CDH13: variants seen among roughly 807,000 people sequenced by gnomAD.
CDH13 encodes cadherin 13.
A neutral mutation model predicts 63.8 loss-of-function variants in CDH13; 24 were observed. The ratio of observed to expected loss-of-function variants is 0.38; its 90% CI spans 0.27 to 0.53. The LOEUF (loss-of-function observed/expected upper bound fraction) is 0.53, where lower values mean the gene tolerates loss of function less well. CDH13 is among the 20% of genes least tolerant of loss of function. The pLI is 0.85. For missense variants in CDH13, 1,049 were observed against 903.1 expected (o/e 1.16, Z -2.07); for synonymous variants, 503 against 355.3 (o/e 1.42, Z -4.67).
At position 83,033,138 on chromosome 16, in the gene CDH13, A is replaced by G. The variant is rs79887136; in HGVS notation, c.366+920A>G. Among the ~76,000 whole-genome samples the G allele has an allele frequency of 2.7e-3, 415 of 152,324 alleles. 1 individual carries two copies. The highest frequency in any genetic ancestry group is 3.6e-3 in the Non-Finnish European group (246 of 68,016). On this transcript the variant is annotated intron_variant, in intron 3 of 13. Coordinates refer to ENST00000567109, the MANE Select transcript of CDH13 (RefSeq NM_001257.5). Reference sequence around the variant, plus strand: ...GTATATGTGCATGTAATGTATACACATATGTATACATCCACATTTAATATA... The same window carrying G: ...GTATATGTGCATGTAATGTATACACGTATGTATACATCCACATTTAATATA...
intron 6 of CDH13, among the ~76,000 whole-genome samples, chr16:83,474,459 T>G (rs116124359): frequency 2.5e-4 from 37 of 150,748 alleles, no homozygotes; most frequent in African/African-American, 8.5e-4. Context: ...TGGGGGAGAG[T>G]CTCAGACATC....
Position 82,627,066 on chromosome 16 carries a change from G to A in CDH13, c.-27G>A, listed in dbSNP as rs1365991844. On this transcript the variant is annotated 5_prime_UTR_variant, in exon 1 of 14. Transcript: ENST00000567109. The stretch of plus-strand genomic sequence containing the variant: ...TGCAGCCGCGTGCATGAATGAAAAC[G>A]CCGCCGGGCGCTTCTAGTCGGACAA... 1 of 1,584,244 alleles carries A rather than the reference G, an allele frequency of 6.3e-7. No homozygotes were observed. The highest frequency in any genetic ancestry group is 1.2e-5 in the South Asian group (1 of 86,480).
chr16:83,017,170 G>C (rs537318690), intron 2 of CDH13, among the ~76,000 whole-genome samples: 1 of 152,124 alleles, frequency 6.6e-6, no homozygotes, highest in Non-Finnish European at 1.5e-5. Context: ...ATAAGGATTT[G>C]CCTGGGCCCC....
intron 1 of CDH13, among the ~76,000 whole-genome samples, chr16:82,746,740 A>C (rs2034194283): frequency 6.6e-6 from 1 of 152,162 alleles, no homozygotes; most frequent in Non-Finnish European, 1.5e-5. Flanking sequence ...GATTTCTTAA[A>C]ATTTTTACTT....
intron 5 of CDH13, among the ~76,000 whole-genome samples, chr16:83,267,114 G>C (rs1907716274): frequency 6.6e-6 from 1 of 152,168 alleles, no homozygotes; most frequent in Non-Finnish European, 1.5e-5. Flanking sequence ...GTGCAGCAGA[G>C]ACATGCATGC....
chr16:83,665,139 G>T (rs1017653592), intron 8 of CDH13, among the ~76,000 whole-genome samples: 1 of 151,762 alleles, frequency 6.6e-6, no homozygotes, highest in Non-Finnish European at 1.5e-5. Flanking sequence ...TAACAAGAAT[G>T]AGCAAGTGTG....
chr16:83,486,489 T>G lies in CDH13; in HGVS notation c.794T>G (p.Met265Arg). ...MEGSPTGTTV[M>R]RMTAFDADDP... Reference sequence around the variant, plus strand: ...CTTGCCCCGGTAGGCACCACAGTGATGCGGATGACAGCCTTTGATGCAGAT... The same window carrying G: ...CTTGCCCCGGTAGGCACCACAGTGAGGCGGATGACAGCCTTTGATGCAGAT... Residue 265 changes from methionine to arginine, a missense_variant, in exon 7 of 14, where the codon ATG becomes AGG. Transcript: ENST00000567109. 1 of 1,613,350 alleles carries G rather than the reference T, an allele frequency of 6.2e-7. No individual in the cohort carries two copies. Among genetic ancestry groups the G allele is most frequent in the Non-Finnish European group, 8.5e-7 (1 of 1,179,482 alleles).
At chr16:83,356,068 G>A (rs1304236849) in intron 6 of CDH13, among the ~76,000 whole-genome samples, 1 of 152,112 alleles carries the variant, frequency 6.6e-6, no homozygotes, top group Non-Finnish European at 1.5e-5. Flanking sequence ...TCTAATTCTT[G>A]TGCTTTTTCA....
At position 83,265,388 on chromosome 16, in the gene CDH13, A is replaced by G. The variant is rs142348438; in HGVS notation, c.636+47891A>G. Among the ~76,000 whole-genome samples the G allele has an allele frequency of 4.0e-3, 605 of 152,222 alleles. 6 individuals carry two copies. The highest frequency in any genetic ancestry group is 0.013 in the African/African-American group (554 of 41,520). On this transcript the variant is annotated intron_variant, in intron 5 of 13. Transcript: ENST00000567109. ...CTTTTAGACTTGCAAATTTGGCTGG[A>G]TATAGAACTCTAAGTTGAATATATT...
intron 1 of CDH13, among the ~76,000 whole-genome samples, chr16:82,645,674 A>G (rs1910005447): frequency 6.6e-6 from 1 of 152,142 alleles, no homozygotes; most frequent in Non-Finnish European, 1.5e-5. Flanking sequence ...TCCTTATCTT[A>G]TCCTGTTATT....
At position 82,812,316 on chromosome 16, in the gene CDH13, A is replaced by C. The variant is rs186174026; in HGVS notation, c.46-46046A>C. Reference sequence around the variant, plus strand: ...ACTAGGAAGTCATTAGGATATTTGCAATAATTGAAGCTTGCATCCTATTTG... The same window carrying C: ...ACTAGGAAGTCATTAGGATATTTGCCATAATTGAAGCTTGCATCCTATTTG... On this transcript the variant is annotated intron_variant, in intron 1 of 13. Transcript: ENST00000567109. Among the ~76,000 whole-genome samples the C allele has an allele frequency of 1.2e-4, 18 of 152,274 alleles. No individual in the cohort carries two copies. In the East Asian group the frequency reaches 3.3e-3, roughly 28 times the overall value.
At chr16:82,791,256 A>T (rs2036288050) in intron 1 of CDH13, among the ~76,000 whole-genome samples, 1 of 151,954 alleles carries the variant, frequency 6.6e-6, no homozygotes, top group Non-Finnish European at 1.5e-5. Context: ...AAAAAAAAAA[A>T]AAATTCCTAA....
At chr16:82,634,545 C>T (rs991166085) in intron 1 of CDH13, among the ~76,000 whole-genome samples, 1 of 152,208 alleles carries the variant, frequency 6.6e-6, no homozygotes, top group East Asian at 1.9e-4. Flanking sequence ...GAGCCAATTT[C>T]TCCCTGCAGT....
chr16:82,970,493 G>A (rs533020817), intron 2 of CDH13, among the ~76,000 whole-genome samples: 7 of 118,712 alleles, frequency 5.9e-5, no homozygotes, highest in African/African-American at 1.4e-4. Context: ...TCCACTTCCC[G>A]GGTTCACGCC....
At chr16:82,748,358 A>T (rs1295850558) in intron 1 of CDH13, among the ~76,000 whole-genome samples, 2 of 152,170 alleles carry the variant, frequency 1.3e-5, no homozygotes, top group Non-Finnish European at 2.9e-5. Flanking sequence ...ATCAGCTTTT[A>T]TTCTGACTTC....
At chr16:83,306,863 C>T (rs1243524487) in intron 5 of CDH13, among the ~76,000 whole-genome samples, 1 of 152,154 alleles carries the variant, frequency 6.6e-6, no homozygotes, top group Non-Finnish European at 1.5e-5. Context: ...ATTACCCAGT[C>T]TCAGGTATAC....
chr16:83,001,310 G>A (rs1202920588), intron 2 of CDH13, among the ~76,000 whole-genome samples: 6 of 152,220 alleles, frequency 3.9e-5, no homozygotes, highest in African/African-American at 1.4e-4. Flanking sequence ...GAGCTGCTTA[G>A]CACAAGTAGT....
chr16:83,135,491 C>CA (rs2036240526), intron 4 of CDH13, among the ~76,000 whole-genome samples: 1 of 152,188 alleles, frequency 6.6e-6, no homozygotes, highest in Non-Finnish European at 1.5e-5. Context: ...AAGCATCTTG[C>CA]AAAACAGTCT....
rs2075527942 is a variant in CDH13, at chr16:83,552,685, A to G, written c.961-49769A>G. Reference sequence around the variant, plus strand: ...AGCCAGTTGAAGAATTGCATCTTAAATGAATTTGTCACTAAAGAAAGAATG... The same window carrying G: ...AGCCAGTTGAAGAATTGCATCTTAAGTGAATTTGTCACTAAAGAAAGAATG... On this transcript the variant is annotated intron_variant, in intron 7 of 13. Coordinates refer to ENST00000567109, the MANE Select transcript of CDH13 (RefSeq NM_001257.5). Among the ~76,000 whole-genome samples the G allele has an allele frequency of 2.0e-5, 3 of 152,244 alleles. No homozygotes were observed. In the South Asian group the frequency reaches 6.2e-4, roughly 32 times the overall value.
Sources: gnomAD v4.1 joint callset for allele counts (sites outside exome capture counted in the v4.1 genomes callset) on GRCh38, gnomAD v4.1.1 for gene constraint, MANE v1.5 for transcripts, NCBI Gene and HGNC (gene_info 2026-07-23, HGNC 2026-07-21) for gene names.